GPLD1: variants seen among roughly 807,000 people sequenced by gnomAD.
GPLD1 encodes phosphatidylinositol-glycan-specific phospholipase D.
Under a neutral mutation model 112.6 loss-of-function variants are expected in GPLD1, and 84 were observed. That is an observed-to-expected ratio of 0.75 (90% CI 0.63 to 0.89). The LOEUF is 0.89. GPLD1 is among the 40% of genes least tolerant of loss of function. The pLI, the probability that GPLD1 is intolerant of heterozygous loss-of-function variation, is 0.00. For synonymous variants in GPLD1, 386 were observed against 403.8 expected (o/e 0.96, Z 0.53); for missense variants, 1,044 against 1,051.5 (o/e 0.99, Z 0.10).
chr6:24,487,529 T>G (rs1764418890), intron 1 of GPLD1, among the ~76,000 whole-genome samples: 1 of 152,008 alleles, frequency 6.6e-6, no homozygotes, highest in Non-Finnish European at 1.5e-5. Context: ...GTCTTGTAAA[T>G]TTTTAAACAC....
intron 7 of GPLD1, 24 bp from the exon 8 acceptor site, chr6:24,467,298 G>C (rs771387066): frequency 1.6e-6 from 2 of 1,243,976 alleles, no homozygotes; most frequent in South Asian, 2.4e-5. Context: ...AATAAAGTAA[G>C]AGTTGTTTTG....
chr6:24,445,487 G>T, intron 20 of GPLD1, 59 bp downstream of exon 20: 7 of 1,075,650 alleles, frequency 6.5e-6, no homozygotes, highest in South Asian at 2.5e-5. Context: ...CCTCCAATAC[G>T]ACATGTACAA....
upstream of GPLD1, among the ~76,000 whole-genome samples, chr6:24,492,484 C>T (rs547561608): frequency 2.8e-4 from 33 of 116,914 alleles, 2 homozygotes; most frequent in East Asian, 1.8e-3. Context: ...CCAGCCTGGG[C>T]GACAGAGTAA....
intron 7 of GPLD1, among the ~76,000 whole-genome samples, chr6:24,470,343 C>T (rs1320825025): frequency 6.6e-6 from 1 of 152,042 alleles, no homozygotes; most frequent in African/African-American, 2.4e-5. Context: ...TTTTGCCTCA[C>T]GATAAAAAGC....
In GPLD1 at chr6:24,437,157, A is replaced by G; in HGVS notation, c.2153T>C (p.Phe718Ser). The change falls in exon 21 of 25, where the codon TTT becomes TCT. Residue 718 changes from phenylalanine to serine, a missense_variant. Coordinates refer to ENST00000230036, the MANE Select transcript of GPLD1 (RefSeq NM_001503.4). ...GTCACTCAAGTGCAGAACGCCACCA[A>G]ATCGGGAGAAGCGGCGGTCTCCGCT... ...TFSGDRRFSR[F>S]GGVLHLSDLD... 3 of 1,614,218 alleles carry G rather than the reference A, an allele frequency of 1.9e-6. No individual in the cohort carries two copies. The highest frequency in any genetic ancestry group is 2.5e-6 in the Non-Finnish European group (3 of 1,180,012).
chr6:24,483,551 C>T (rs1342082053), intron 2 of GPLD1, among the ~76,000 whole-genome samples: 2 of 150,852 alleles, frequency 1.3e-5, no homozygotes, highest in Middle Eastern at 3.4e-3. Context: ...TGGTGGTGCA[C>T]GCCTGTATTC....
chr6:24,457,591 C>T (rs899125652), intron 12 of GPLD1, among the ~76,000 whole-genome samples: 3 of 151,988 alleles, frequency 2.0e-5, no homozygotes, highest in African/African-American at 4.8e-5. Context: ...CCAAAGATAT[C>T]CTCCAGACCG....
chr6:24,432,617 G>A (rs1212565978), intron 24 of GPLD1, among the ~76,000 whole-genome samples: 1 of 148,428 alleles, frequency 6.7e-6, no homozygotes, highest in Non-Finnish European at 1.5e-5. Flanking sequence ...AATAAAGAAA[G>A]AAAAAACTCT....
At chr6:24,480,068 G>A (rs1198991065) in intron 2 of GPLD1, 109 bp from the exon 3 acceptor site, 17 of 653,440 alleles carry the variant, frequency 2.6e-5, no homozygotes, top group South Asian at 5.8e-5. Context: ...GGGTATAGAT[G>A]GAATGAAAGG....
intron 20 of GPLD1, among the ~76,000 whole-genome samples, chr6:24,438,872 C>A (rs567644970): frequency 2.0e-5 from 3 of 152,118 alleles, no homozygotes; most frequent in Non-Finnish European, 4.4e-5. Context: ...CTGCAACCTC[C>A]GCTTCCTGGG....
Position 24,475,136 on chromosome 6 carries a change from A to C in GPLD1, c.426T>G (p.Leu142=). ...WHSLGLEQGF[L]RTMGAIDFHG... is the part of the protein sequence containing the mutation. ...ATGTACTCACAGCTCCCATGGTCCT[A>C]AGGAATCCTTGTTCAAGGCCCAGAC... is the stretch of plus-strand genomic sequence containing the variant. The change falls in exon 5 of 25, where the codon CTT becomes CTG. Residue 142 remains leucine, a synonymous_variant. Transcript: ENST00000230036. 6.3e-7 allele frequency: 1 copy of C among 1,585,324 alleles called. No homozygotes were observed. The highest frequency in any genetic ancestry group is 8.7e-7 in the Non-Finnish European group (1 of 1,153,652).
chr6:24,472,745 C>T (rs925185078), intron 6 of GPLD1, 109 bp from the exon 7 acceptor site: 8 of 694,012 alleles, frequency 1.2e-5, no homozygotes, highest in African/African-American at 1.8e-5. Context: ...CACATTATTA[C>T]ATGTTTTTGT....
chr6:24,455,817 T>C (rs997915032), intron 13 of GPLD1, among the ~76,000 whole-genome samples: 2 of 152,200 alleles, frequency 1.3e-5, no homozygotes, highest in African/African-American at 4.8e-5. Flanking sequence ...AAGTTCCTTG[T>C]ATTTAAACAT....
chr6:24,441,146 T>TAAAA (rs71542673), intron 20 of GPLD1, among the ~76,000 whole-genome samples: 5 of 139,590 alleles, frequency 3.6e-5, no homozygotes, highest in African/African-American at 8.0e-5. Flanking sequence ...CTACTAAAAA[T>TAAAA]AAAAAAAAAA....
intron 4 of GPLD1, 46 bp downstream of exon 4, chr6:24,476,135 G>A: frequency 9.7e-7 from 1 of 1,028,958 alleles, no homozygotes; most frequent in Non-Finnish European, 1.5e-6. Flanking sequence ...ACAGTGCATG[G>A]CAGGTTTGGT....
rs372346071 is a variant in GPLD1 at position 24,454,006 on chromosome 6, G to C, written c.1335+9C>G. The C allele has an allele frequency of 3.1e-5, 49 of 1,581,622 alleles. No homozygotes were observed. The African/African-American group carries it at 3.5e-4, about 11-fold the overall frequency. Reference sequence around the variant, plus strand: ...CCACTAGAAGAGAAAGGATGAGATGGTGTCTCACCTGGAAGCCTTCAAGGA... The same window carrying C: ...CCACTAGAAGAGAAAGGATGAGATGCTGTCTCACCTGGAAGCCTTCAAGGA... On this transcript the variant is annotated intron_variant, in intron 14 of 24. Coordinates refer to ENST00000230036, the MANE Select transcript of GPLD1 (RefSeq NM_001503.4).
At chr6:24,464,470 C>T (rs1763532878) in intron 10 of GPLD1, among the ~76,000 whole-genome samples, 2 of 152,092 alleles carry the variant, frequency 1.3e-5, no homozygotes, top group African/African-American at 4.8e-5. Flanking sequence ...GCTATCCCTG[C>T]CAAATTGTTA....
rs142604927 is a variant in GPLD1 at position 24,484,973 on chromosome 6, C to T, written c.153+1102G>A. On this transcript the variant is annotated intron_variant, in intron 2 of 24. Coordinates refer to ENST00000230036, the MANE Select transcript of GPLD1 (RefSeq NM_001503.4). ...CAAATATAAGTATGAAAGAATTACA[C>T]CTTCGTCACAAAGTATTATTTAGCC... is the stretch of plus-strand genomic sequence containing the variant. Among the ~76,000 whole-genome samples the T allele has an allele frequency of 7.7e-3, 1,167 of 152,266 alleles. 14 individuals carry two copies. The highest frequency in any genetic ancestry group is 0.026 in the African/African-American group (1,099 of 41,552).
chr6:24,454,079 A>AT lies in GPLD1; in HGVS notation c.1270_1271insA (p.Leu424HisfsTer7). 2 of 1,613,778 alleles carry AT rather than the reference A, an allele frequency of 1.2e-6. No homozygotes were observed. The highest frequency in any genetic ancestry group is 2.2e-5 in the South Asian group (2 of 91,052). ...GTCCAGGTCAACAGGTGGCAGGCCC[A>AT]GGTCATTGCCGTAGATGAGGTACAC... On this transcript the variant is annotated frameshift_variant, in exon 14 of 25. Coordinates refer to ENST00000230036, the MANE Select transcript of GPLD1 (RefSeq NM_001503.4). LOFTEE classifies it high-confidence loss of function.
Sources: gnomAD v4.1 joint callset for allele counts (sites outside exome capture counted in the v4.1 genomes callset) on GRCh38, gnomAD v4.1.1 for gene constraint, MANE v1.5 for transcripts, NCBI Gene and HGNC (gene_info 2026-07-23, HGNC 2026-07-21) for gene names.